The following DNAJC8 variants were observed in gnomAD, a reference collection of about 807,000 sequenced individuals.
The protein encoded by DNAJC8 is dnaJ homolog subfamily C member 8.
Under a neutral mutation model 43.2 loss-of-function variants are expected in DNAJC8, and 24 were observed. The ratio of observed to expected loss-of-function variants is 0.56; its 90% confidence interval spans 0.40 to 0.78. The LOEUF is 0.78. DNAJC8 is among the 30% of genes least tolerant of loss of function. The pLI is 0.00. For missense variants in DNAJC8, 207 were observed against 299.4 expected, an observed-to-expected ratio of 0.69 and a Z score of 2.28; for synonymous variants, 83 against 98.0, an observed-to-expected ratio of 0.85 and a Z score of 0.90.
intron 1 of DNAJC8, among the ~76,000 whole-genome samples, chr1:28,232,680 T>C (rs564385762): frequency 6.6e-6 from 1 of 152,252 alleles, no homozygotes; most frequent in East Asian, 1.9e-4. Context: ...CCGCACTATG[T>C]TGGACACACT....
rs1187213407 is a variant in DNAJC8 at position 28,210,336 on chromosome 1, A to T, written c.304+235T>A. On this transcript the variant is annotated intron_variant, in intron 4 of 8. Coordinates refer to ENST00000263697, the MANE Select transcript of DNAJC8 (RefSeq NM_014280.3). The stretch of plus-strand genomic sequence containing the variant: ...TCTTTATGTTCAAAGAAAAAAAATG[A>T]TCCTATGCAATAACAGTCTTTGTTG... The T allele has an allele frequency of 2.7e-5, 15 of 564,138 alleles. No individual in the cohort carries two copies. In the East Asian group the frequency reaches 4.4e-4, roughly 16 times the overall value. The allele number at this position is 564,138 out of a possible 1,614,324, so 34.9% of individuals were successfully genotyped here. A position where few individuals can be genotyped will look rare whatever the true frequency, so the allele number is the denominator to read the frequency against.
chr1:28,214,846 G>T, intron 3 of DNAJC8, 94 bp downstream of exon 3: 3 of 1,066,810 alleles, frequency 2.8e-6, no homozygotes, highest in Non-Finnish European at 3.9e-6. Flanking sequence ...GTTAAATTTT[G>T]GCCCAAACAT....
At chr1:28,221,718 A>G (rs192034198) in intron 2 of DNAJC8, among the ~76,000 whole-genome samples, 2 of 152,308 alleles carry the variant, frequency 1.3e-5, no homozygotes, top group African/African-American at 2.4e-5. Context: ...ATTCTTTATC[A>G]TCTCTCCAGC....
Position 28,208,426 on chromosome 1 carries a change from T to C in DNAJC8, c.400-13A>G. 6.3e-7 allele frequency: 1 copy of C among 1,598,584 alleles called. No individual in the cohort carries two copies. The highest frequency in any genetic ancestry group is 2.2e-5 in the East Asian group (1 of 44,728). On this transcript the variant is annotated splice_polypyrimidine_tract_variant and intron_variant, in intron 5 of 8. Transcript: ENST00000263697. ...TTCGCTCTTTCACCTAAAAAGAATT[T>C]TTTTTCATCAAAAGACGAGCATCTG...
chr1:28,211,150 C>G (rs571569940), intron 3 of DNAJC8, among the ~76,000 whole-genome samples: 23 of 149,996 alleles, frequency 1.5e-4, no homozygotes, highest in South Asian at 1.1e-3. Context: ...AAAGTGAGAC[C>G]CTGTCTCCAG....
intron 2 of DNAJC8, among the ~76,000 whole-genome samples, chr1:28,223,713 CAAA>C (rs750905346): frequency 9.4e-6 from 1 of 106,556 alleles, no homozygotes. Flanking sequence ...CTTGTCTTTA[CAAA>C]AAAAAAAAAA....
chr1:28,214,325 A>G (rs1301169047), intron 3 of DNAJC8, among the ~76,000 whole-genome samples: 2 of 152,104 alleles, frequency 1.3e-5, no homozygotes, highest in Non-Finnish European at 2.9e-5. Context: ...ACTTGAGGTC[A>G]GGAGTTCGTC....
intron 3 of DNAJC8, among the ~76,000 whole-genome samples, chr1:28,212,319 G>T (rs1465649545): frequency 1.5e-5 from 2 of 134,886 alleles, no homozygotes; most frequent in Non-Finnish European, 3.1e-5. Flanking sequence ...CTATCATCCA[G>T]GCTGGAGTGC....
chr1:28,214,714 G>T (rs371668503), intron 3 of DNAJC8, among the ~76,000 whole-genome samples: 1 of 151,930 alleles, frequency 6.6e-6, no homozygotes, highest in Non-Finnish European at 1.5e-5. Flanking sequence ...GAGTTGCAGA[G>T]ATTCTATTTG....
chr1:28,232,976 C>T lies in DNAJC8; in HGVS notation c.23G>A (p.Gly8Glu). 1 of 1,612,942 alleles carries T rather than the reference C, an allele frequency of 6.2e-7. No individual in the cohort carries two copies. The highest frequency in any genetic ancestry group is 8.5e-7 in the Non-Finnish European group (1 of 1,180,016). Residue 8 changes from glycine (G) to glutamate (E), a missense_variant, in exon 1 of 9, where the codon GGG becomes GAG. Gly to Glu is a moderately conservative substitution (Grantham distance 98, BLOSUM62 -2). Around this residue, in one of 2 missense-constraint regions of DNAJC8, gnomAD observed 48 missense variants for 31.9 expected, o/e 1.50. Coordinates refer to ENST00000263697, the MANE Select transcript of DNAJC8 (RefSeq NM_014280.3). ...GGTGCTGCCTCCGCCGCCTGAAGTC[C>T]CGCTCTCTCCTGAAGCCGCCATTTC... MAASGES[G>E]TSGGGGSTEE...
intron 8 of DNAJC8, among the ~76,000 whole-genome samples, chr1:28,202,083 T>TC (rs1326057597): frequency 6.6e-6 from 1 of 151,406 alleles, no homozygotes; most frequent in African/African-American, 2.4e-5. Flanking sequence ...AGGGCAAAAC[T>TC]CCGTCTCAAA....
chr1:28,218,237 A>G (rs1436105069), intron 2 of DNAJC8, among the ~76,000 whole-genome samples: 1 of 151,450 alleles, frequency 6.6e-6, no homozygotes, highest in Non-Finnish European at 1.5e-5. Flanking sequence ...CTGGAATTAC[A>G]GGCATGTGCC....
chr1:28,225,241 A>AT (rs1646926377), intron 2 of DNAJC8, among the ~76,000 whole-genome samples: 2 of 151,356 alleles, frequency 1.3e-5, no homozygotes, highest in Non-Finnish European at 3.0e-5. Context: ...CAGTAAGAGG[A>AT]TATTTGTAGA....
chr1:28,215,949 T>C (rs1646850716), intron 2 of DNAJC8, among the ~76,000 whole-genome samples: 1 of 151,952 alleles, frequency 6.6e-6, no homozygotes, highest in Admixed American at 6.6e-5. Context: ...AGCCTCAAGC[T>C]CTGGGGCTCA....
chr1:28,215,058 G>A, intron 2 of DNAJC8, 62 bp from the exon 3 acceptor site: 3 of 1,377,438 alleles, frequency 2.2e-6, no homozygotes, highest in Non-Finnish European at 3.0e-6. Context: ...ATATTTAAGA[G>A]TTGCTCAGTA....
intron 6 of DNAJC8, among the ~76,000 whole-genome samples, chr1:28,206,492 T>C (rs1316409606): frequency 6.6e-6 from 1 of 152,168 alleles, no homozygotes; most frequent in Non-Finnish European, 1.5e-5. Context: ...GTTAAGATCA[T>C]GCCACTATAT....
At chr1:28,228,676 A>G (rs1165706890) in intron 2 of DNAJC8, among the ~76,000 whole-genome samples, 1 of 152,228 alleles carries the variant, frequency 6.6e-6, no homozygotes, top group Admixed American at 6.5e-5. Flanking sequence ...TTCAACCAGT[A>G]AGTAAGCAGA....
intron 1 of DNAJC8, among the ~76,000 whole-genome samples, chr1:28,231,487 C>T (rs1468719078): frequency 6.6e-6 from 1 of 151,454 alleles, no homozygotes; most frequent in Non-Finnish European, 1.5e-5. Flanking sequence ...GAGGCCGAGG[C>T]GGGAGGACCT....
chr1:28,232,046 C>T (rs1646979716), intron 1 of DNAJC8, among the ~76,000 whole-genome samples: 2 of 151,744 alleles, frequency 1.3e-5, no homozygotes, highest in African/African-American at 4.8e-5. Context: ...TGAGCCACCG[C>T]GCCCAACCAA....
Sources: gnomAD v4.1 joint callset for allele counts (sites outside exome capture counted in the v4.1 genomes callset) on GRCh38, gnomAD v4.1.1 for gene constraint, gnomAD v4.1.1 regional missense constraint, MANE v1.5 for transcripts, NCBI Gene and HGNC (gene_info 2026-07-23, HGNC 2026-07-21) for gene names.